The following RELN variants were observed in gnomAD, a reference collection of about 807,000 sequenced individuals.
RELN encodes reelin.
A neutral mutation model predicts 427.6 loss-of-function variants in RELN; 108 were observed. The ratio of observed to expected loss-of-function variants is 0.25; its 90% CI spans 0.22 to 0.30. The LOEUF is 0.30. Among genes scored for constraint, RELN ranks in the 10% least tolerant of loss-of-function variants. RELN has a pLI of 1.00. For synonymous variants in RELN, 1,524 were observed against 1,513.4 expected (o/e 1.01, Z -0.16); for missense variants, 3,715 against 4,302.8 (o/e 0.86, Z 3.82).
intron 64 of RELN, among the ~76,000 whole-genome samples, chr7:103,473,670 C>T (rs1037067222): frequency 6.6e-6 from 1 of 152,110 alleles, no homozygotes; most frequent in Admixed American, 6.6e-5. Flanking sequence ...GATAAAAATA[C>T]TGAAGATGGA....
chr7:103,585,730 T>C (rs775699299), intron 28 of RELN, among the ~76,000 whole-genome samples: 2 of 152,094 alleles, frequency 1.3e-5, no homozygotes, highest in Non-Finnish European at 2.9e-5. Flanking sequence ...ATCACCCTGA[T>C]ACCAAAATTA....
chr7:103,565,576 T>C, intron 33 of RELN, 25 bp from the exon 34 acceptor site: 1 of 1,605,880 alleles, frequency 6.2e-7, no homozygotes, highest in Non-Finnish European at 8.5e-7. Flanking sequence ...TGTGTAATGG[T>C]AGCATATATG....
rs1342284898 is a variant in RELN at position 103,472,202 on chromosome 7, T to A, written c.*610A>T. The A allele has an allele frequency of 6.5e-6, 1 of 153,608 alleles. No individual in the cohort carries two copies. The highest frequency in any genetic ancestry group is 1.5e-5 in the Non-Finnish European group (1 of 68,754). 9.5% of individuals were successfully genotyped at this position (153,608 alleles called of 1,614,324 possible). A position where few individuals can be genotyped will look rare whatever the true frequency, so the allele number is the denominator to read the frequency against. ...ACAACGCTAAACCAACATACATTTTTAAGGAGTATATTAAAGGAGATACAA... is the reference window on the plus strand; with the variant it reads ...ACAACGCTAAACCAACATACATTTTAAAGGAGTATATTAAAGGAGATACAA... On this transcript the variant is annotated 3_prime_UTR_variant, in exon 65 of 65. Transcript: ENST00000428762.
chr7:103,818,382 T>C (rs1407162628), intron 3 of RELN, among the ~76,000 whole-genome samples: 1 of 152,252 alleles, frequency 6.6e-6, no homozygotes, highest in African/African-American at 2.4e-5. Context: ...ATTAATGTGA[T>C]GACTGAGTAA....
chr7:103,540,165 C>CTTG, intron 44 of RELN, 32 bp downstream of exon 44: 1 of 1,613,508 alleles, frequency 6.2e-7, no homozygotes, highest in Non-Finnish European at 8.5e-7. Flanking sequence ...CAAGTGACGA[C>CTTG]AATTAAAATA....
intron 1 of RELN, among the ~76,000 whole-genome samples, chr7:103,972,894 A>ATATGTGTGTGTG (rs1554450650): frequency 2.4e-4 from 36 of 149,166 alleles, no homozygotes; most frequent in African/African-American, 8.9e-4. Flanking sequence ...GCATATGATT[A>ATATGTGTGTGTG]TGTGTGTGTG....
Position 103,945,710 on chromosome 7 carries a change from A to G in RELN, c.227-28525T>C, listed in dbSNP as rs542948913. On this transcript the variant is annotated intron_variant, in intron 1 of 64. Coordinates refer to ENST00000428762, the MANE Select transcript of RELN (RefSeq NM_005045.4). ...ATTTGAGTACAATCAAGAGCCACGT[A>G]AAGACATTTTGGCCAGTGATGGACC... 6.6e-5 allele frequency among the ~76,000 whole-genome samples: 10 copies of G among 152,366 alleles called. No homozygotes were observed. In the South Asian group the frequency reaches 1.0e-3, roughly 16 times the overall value.
intron 2 of RELN, among the ~76,000 whole-genome samples, chr7:103,872,664 G>C (rs1264582602): frequency 1.4e-5 from 2 of 143,392 alleles, no homozygotes; most frequent in African/African-American, 5.0e-5. Flanking sequence ...GGTTGAACTA[G>C]TTTACAGTCC....
chr7:103,850,832 A>C (rs936047023), intron 2 of RELN, among the ~76,000 whole-genome samples: 4 of 152,152 alleles, frequency 2.6e-5, no homozygotes, highest in Non-Finnish European at 5.9e-5. Context: ...AAATCAAAAC[A>C]CAGTAGATGT....
chr7:103,926,206 T>C (rs1322814170), intron 1 of RELN, among the ~76,000 whole-genome samples: 1 of 144,100 alleles, frequency 6.9e-6, no homozygotes, highest in East Asian at 2.3e-4. Flanking sequence ...GTTCAAGCGA[T>C]TGTTCTGCCT....
At chr7:103,673,554 T>C (rs1833441444) in intron 11 of RELN, among the ~76,000 whole-genome samples, 1 of 152,194 alleles carries the variant, frequency 6.6e-6, no homozygotes, top group Non-Finnish European at 1.5e-5. Flanking sequence ...TTACTACTCT[T>C]TCTTGAATAT....
chr7:103,506,064 C>G (rs1829199274), intron 51 of RELN, among the ~76,000 whole-genome samples: 1 of 152,034 alleles, frequency 6.6e-6, no homozygotes, highest in Non-Finnish European at 1.5e-5. Context: ...AGAAACAAAG[C>G]CTCCAAGAAA....
intron 3 of RELN, among the ~76,000 whole-genome samples, chr7:103,820,640 G>A (rs1295907209): frequency 1.3e-5 from 2 of 151,404 alleles, no homozygotes; most frequent in South Asian, 2.1e-4. Flanking sequence ...CATTCATAAC[G>A]TTAAATCAGT....
intron 2 of RELN, among the ~76,000 whole-genome samples, chr7:103,878,317 C>G (rs542873555): frequency 4.9e-4 from 74 of 152,300 alleles, no homozygotes; most frequent in African/African-American, 1.7e-3. Flanking sequence ...CCACTTTACC[C>G]TCAAGCTACC....
intron 1 of RELN, among the ~76,000 whole-genome samples, chr7:103,941,592 C>T (rs949563184): frequency 2.0e-5 from 3 of 152,008 alleles, no homozygotes; most frequent in Middle Eastern, 3.2e-3. Flanking sequence ...AATGTCTACT[C>T]ATTCTAAAAT....
In RELN at chr7:103,561,971, A is replaced by AC. The variant is rs941406538; in HGVS notation, c.5211-19_5211-18insG. On this transcript the variant is annotated intron_variant, in intron 34 of 64. Transcript: ENST00000428762. ...TGGGAGAACTAACCAAAAAAAAAAA[A>AC]AAAAAAACACACCACTGGTTTGACA... 1.2e-5 allele frequency: 20 copies of AC among 1,605,076 alleles called. No individual in the cohort carries two copies. The highest frequency in any genetic ancestry group is 1.6e-5 in the Non-Finnish European group (19 of 1,175,254).
chr7:103,783,809 T>A (rs1791952371), intron 3 of RELN, among the ~76,000 whole-genome samples: 1 of 152,224 alleles, frequency 6.6e-6, no homozygotes, highest in African/African-American at 2.4e-5. Flanking sequence ...ATGGAGGCTT[T>A]ACGTTCATCT....
At chr7:103,932,684 CAT>C (rs1256261411) in intron 1 of RELN, among the ~76,000 whole-genome samples, 1 of 152,186 alleles carries the variant, frequency 6.6e-6, no homozygotes, top group African/African-American at 2.4e-5. Flanking sequence ...ACTTCACTGA[CAT>C]AGGATTCCCA....
chr7:103,898,787 T>C (rs3907884), intron 2 of RELN, among the ~76,000 whole-genome samples: 52,957 of 151,834 alleles, frequency 0.35, 9,690 homozygotes, highest in East Asian at 0.67. Context: ...AGCTAAAGGC[T>C]CCTTTAAAGC....
Sources: allele counts gnomAD v4.1 joint callset (sites outside exome capture counted in the v4.1 genomes callset), GRCh38; gene constraint gnomAD v4.1.1; transcripts MANE v1.5; gene names NCBI Gene and HGNC (gene_info 2026-07-23, HGNC 2026-07-21).